Variants in SUSD3 observed in about 807,000 individuals in gnomAD.
SUSD3 encodes sushi domain-containing protein 3.
In SUSD3, 18 loss-of-function variants were observed where a neutral mutation model predicts 20.6. The ratio of observed to expected loss-of-function variants is 0.87; its 90% CI spans 0.60 to 1.30. The LOEUF is 1.30. Ranked by LOEUF, SUSD3 falls within the 50% of genes most tolerant of loss-of-function variation. SUSD3 has a pLI of 0.00. For missense variants in SUSD3, 306 were observed against 346.9 expected, an observed-to-expected ratio of 0.88 and a Z score of 0.94; for synonymous variants, 137 against 141.5, an observed-to-expected ratio of 0.97 and a Z score of 0.23.
intron 4 of SUSD3, among the ~76,000 whole-genome samples, chr9:93,080,280 C>T (rs567656002): frequency 6.7e-6 from 1 of 148,180 alleles, no homozygotes; most frequent in East Asian, 2.0e-4. Context: ...GGTTGTGCCA[C>T]CGCACTCCAG....
chr9:93,072,249 T>C (rs1825938902), intron 1 of SUSD3, among the ~76,000 whole-genome samples: 2 of 152,002 alleles, frequency 1.3e-5, no homozygotes, highest in South Asian at 4.1e-4. Flanking sequence ...CGGTGGGGCA[T>C]GTCTGCCTCA....
In SUSD3 at chr9:93,073,277, C is replaced by T. The variant is rs575453465; in HGVS notation, c.89-2507C>T. Among the ~76,000 whole-genome samples, 571 of 142,688 alleles carry T rather than the reference C, an allele frequency of 4.0e-3. 3 individuals are homozygous for T. The highest frequency in any genetic ancestry group is 0.012 in the African/African-American group (470 of 38,046). 93.6% of individuals were successfully genotyped at this position (142,688 alleles called of 152,430 possible). ...TTTTTTTTTTTTTGAGACGGAGTCT[C>T]GCTCTGTCGCCCAGGCTGGAGTGCA... On this transcript the variant is annotated intron_variant, in intron 1 of 4. Transcript: ENST00000375472.
At chr9:93,068,468 C>CAA (rs1825798919) in intron 1 of SUSD3, among the ~76,000 whole-genome samples, 1 of 152,174 alleles carries the variant, frequency 6.6e-6, no homozygotes, top group South Asian at 2.1e-4. Context: ...TGTTGAAAAT[C>CAA]ATTTGACTAT....
intron 1 of SUSD3, among the ~76,000 whole-genome samples, chr9:93,064,293 A>G (rs879635300): frequency 1.3e-5 from 2 of 152,124 alleles, no homozygotes; most frequent in African/African-American, 2.4e-5. Context: ...TGATCTGCCC[A>G]CCTTGGCCTC....
intron 2 of SUSD3, among the ~76,000 whole-genome samples, chr9:93,076,889 T>C (rs1479523874): frequency 3.3e-5 from 5 of 152,222 alleles, no homozygotes; most frequent in Non-Finnish European, 5.9e-5. Context: ...TCCAGGCAGC[T>C]GTTATGGGGT....
At chr9:93,073,607 A>C (rs1244779980) in intron 1 of SUSD3, among the ~76,000 whole-genome samples, 1 of 152,096 alleles carries the variant, frequency 6.6e-6, no homozygotes, top group Non-Finnish European at 1.5e-5. Context: ...AAAAATCAGG[A>C]AATACCAGAT....
At chr9:93,084,272 G>A (rs776687271) in intron 4 of SUSD3, among the ~76,000 whole-genome samples, 1 of 152,108 alleles carries the variant, frequency 6.6e-6, no homozygotes, top group East Asian at 1.9e-4. Flanking sequence ...CACACCTTAG[G>A]GGGGCAAGTG....
chr9:93,078,158 G>A (rs1030881136), intron 3 of SUSD3, among the ~76,000 whole-genome samples, 165 bp downstream of exon 3: 5 of 152,226 alleles, frequency 3.3e-5, no homozygotes, highest in African/African-American at 7.2e-5. Flanking sequence ...TGCTGCTCCC[G>A]GCCCACGCAG....
At chr9:93,083,061 C>A (rs531999213) in intron 4 of SUSD3, among the ~76,000 whole-genome samples, 55 of 152,336 alleles carry the variant, frequency 3.6e-4, no homozygotes, top group African/African-American at 1.2e-3. Flanking sequence ...GTGTTCACCC[C>A]CTCTGGGGAG....
intron 3 of SUSD3, among the ~76,000 whole-genome samples, chr9:93,078,876 T>C (rs796310631): frequency 5.1e-4 from 78 of 152,184 alleles, no homozygotes; most frequent in African/African-American, 1.8e-3. Context: ...CTCAGCTCAC[T>C]GCAAGCTCCA....
At chr9:93,070,109 C>G (rs894307064) in intron 1 of SUSD3, among the ~76,000 whole-genome samples, 8 of 152,150 alleles carry the variant, frequency 5.3e-5, no homozygotes, top group African/African-American at 1.9e-4. Context: ...CTAACTTACA[C>G]ATTTTGCTGT....
intron 1 of SUSD3, among the ~76,000 whole-genome samples, chr9:93,059,482 C>A (rs1825423018): frequency 6.6e-6 from 1 of 152,202 alleles, no homozygotes; most frequent in African/African-American, 2.4e-5. Flanking sequence ...TGTCTGCTCC[C>A]GTGCCCAAGG....
At chr9:93,078,667 C>T (rs1826274181) in intron 3 of SUSD3, among the ~76,000 whole-genome samples, 1 of 152,220 alleles carries the variant, frequency 6.6e-6, no homozygotes, top group Non-Finnish European at 1.5e-5. Context: ...GAGTCACTGT[C>T]ACTGCAGATG....
chr9:93,062,134 G>C (rs1825531716), intron 1 of SUSD3, among the ~76,000 whole-genome samples: 3 of 152,200 alleles, frequency 2.0e-5, no homozygotes, highest in Admixed American at 2.0e-4. Flanking sequence ...CGTACATAAG[G>C]CCAGGGAGGG....
rs779982605 is a variant in SUSD3, at chr9:93,084,794, T to A, written c.*47T>A. 3 of 1,428,660 alleles carry A rather than the reference T, an allele frequency of 2.1e-6. No individual in the cohort carries two copies. The Admixed American group carries it at 7.9e-5, about 38-fold the overall frequency. 88.5% of individuals were successfully genotyped at this position (1,428,660 alleles called of 1,614,324 possible). A position where few individuals can be genotyped will look rare whatever the true frequency, so the allele number is the denominator to read the frequency against. On this transcript the variant is annotated 3_prime_UTR_variant, in exon 5 of 5. Transcript: ENST00000375472. ...CATGCTCCACACTGGGAGGCCAGGC[T>A]GACCCCACCAGCCAGTCAGCTACAA... is the stretch of plus-strand genomic sequence containing the variant.
chr9:93,083,113 T>C (rs957127088), intron 4 of SUSD3, among the ~76,000 whole-genome samples: 2 of 152,074 alleles, frequency 1.3e-5, no homozygotes, highest in Admixed American at 1.3e-4. Flanking sequence ...GACAGGGCCG[T>C]GAGAGGCTGG....
At chr9:93,069,210 C>T (rs1020518056) in intron 1 of SUSD3, 3 of 693,242 alleles carry the variant, frequency 4.3e-6, no homozygotes, top group Non-Finnish European at 7.9e-6. Flanking sequence ...TCCCGCTCCA[C>T]CCCGCCTGGG....
At chr9:93,079,347 T>G in intron 3 of SUSD3, 124 bp from the exon 4 acceptor site, 12 of 1,049,412 alleles carry the variant, frequency 1.1e-5, no homozygotes, top group Non-Finnish European at 1.7e-5. Flanking sequence ...CCCAGCTCTT[T>G]GAGAGGTTTG....
rs58393196 is a variant in SUSD3 at position 93,075,411 on chromosome 9, CTTTTTTTTTTTTTT to C, written c.89-363_89-350del. Among the ~76,000 whole-genome samples, 98 of 101,280 alleles carry C rather than the reference CTTTTTTTTTTTTTT, an allele frequency of 9.7e-4. 3 individuals carry two copies. The South Asian group carries it at 0.034, about 35-fold the overall frequency. The allele number at this position is 101,280 out of a possible 152,430, so 66.4% of individuals were successfully genotyped here. On this transcript the variant is annotated intron_variant, in intron 1 of 4. Coordinates refer to ENST00000375472, the MANE Select transcript of SUSD3 (RefSeq NM_145006.4). ...AATCTGCTGATCTCTCTCTGTCCCT[CTTTTTTTTTTTTTT>C]TTTTTTTTTGTTCTGATTTCTGCCT...
Sources: allele counts gnomAD v4.1 joint callset (sites outside exome capture counted in the v4.1 genomes callset), GRCh38; gene constraint gnomAD v4.1.1; transcripts MANE v1.5; gene names NCBI Gene and HGNC (gene_info 2026-07-23, HGNC 2026-07-21).